Variants in MCF2L2 observed in about 807,000 individuals in gnomAD.
The protein encoded by MCF2L2 is MCF.2 cell line derived transforming sequence-like 2, also known as probable guanine nucleotide exchange factor MCF2L2.
MCF2L2 carries 102 observed loss-of-function variants against 150.2 expected under a neutral mutation model. The ratio of observed to expected loss-of-function variants is 0.68; its 90% confidence interval spans 0.58 to 0.80. The LOEUF (loss-of-function observed/expected upper bound fraction) is 0.80. MCF2L2 is among the 30% of genes least tolerant of loss of function. MCF2L2 has a pLI of 0.00. For synonymous variants in MCF2L2, 465 were observed against 491.3 expected, an observed-to-expected ratio of 0.95 and a Z score of 0.71; for missense variants, 1,256 against 1,372.8, an observed-to-expected ratio of 0.91 and a Z score of 1.34.
intron 15 of MCF2L2, among the ~76,000 whole-genome samples, chr3:183,240,527 T>G (rs574969501): frequency 6.6e-6 from 1 of 152,228 alleles, no homozygotes; most frequent in South Asian, 2.1e-4. Flanking sequence ...CCCCCAAAGC[T>G]CCATTTTTAT....
At chr3:183,360,910 A>C (rs546030781) in intron 3 of MCF2L2, among the ~76,000 whole-genome samples, 1 of 151,158 alleles carries the variant, frequency 6.6e-6, no homozygotes, top group South Asian at 2.1e-4. Context: ...CAGAGGTTGC[A>C]GTGAGCTGAG....
intron 13 of MCF2L2, among the ~76,000 whole-genome samples, chr3:183,290,541 C>CT (rs1409979114): frequency 0.018 from 2,566 of 146,004 alleles, 89 homozygotes; most frequent in African/African-American, 0.062. Flanking sequence ...TTCTTTCTTT[C>CT]TTTTTTTTTT....
At chr3:183,419,684 C>T (rs1715778542) in intron 1 of MCF2L2, among the ~76,000 whole-genome samples, 1 of 152,080 alleles carries the variant, frequency 6.6e-6, no homozygotes, top group Non-Finnish European at 1.5e-5. Context: ...ACCAGCCTGG[C>T]CAACATGGTG....
At chr3:183,363,007 AAAG>A (rs1384772897) in intron 3 of MCF2L2, among the ~76,000 whole-genome samples, 2 of 152,236 alleles carry the variant, frequency 1.3e-5, no homozygotes, top group Admixed American at 6.5e-5. Flanking sequence ...GCACCTTACT[AAAG>A]AAGATTTACA....
chr3:183,218,927 A>G (rs561599770), intron 21 of MCF2L2, among the ~76,000 whole-genome samples: 1 of 152,338 alleles, frequency 6.6e-6, no homozygotes, highest in African/African-American at 2.4e-5. Context: ...TGTTTTCAAC[A>G]GGTCCTTGTC....
At chr3:183,304,428 C>G (rs187046415) in intron 10 of MCF2L2, among the ~76,000 whole-genome samples, 1 of 150,354 alleles carries the variant, frequency 6.7e-6, no homozygotes, top group East Asian at 2.0e-4. Flanking sequence ...ACCACCCCTA[C>G]AAGATGACTG....
chr3:183,255,209 GGAT>G (rs1724930786), intron 15 of MCF2L2, among the ~76,000 whole-genome samples: 1 of 152,186 alleles, frequency 6.6e-6, no homozygotes. Flanking sequence ...ACCCAGAAAA[GGAT>G]GATTGAAGGT....
intron 1 of MCF2L2, among the ~76,000 whole-genome samples, chr3:183,413,617 C>A (rs1002482168): frequency 2.0e-5 from 3 of 152,348 alleles, no homozygotes; most frequent in East Asian, 3.9e-4. Context: ...AAGACGCCTG[C>A]ACCCCCAACT....
At chr3:183,228,114 C>A in intron 18 of MCF2L2, 183 bp downstream of exon 18, 1 of 533,910 alleles carries the variant, frequency 1.9e-6, no homozygotes, top group Non-Finnish European at 3.4e-6. Flanking sequence ...TATATCAAAC[C>A]ATCATGTTGT....
intron 27 of MCF2L2, among the ~76,000 whole-genome samples, chr3:183,186,735 T>G (rs1721708247): frequency 6.6e-6 from 1 of 152,110 alleles, no homozygotes; most frequent in Non-Finnish European, 1.5e-5. Flanking sequence ...CTCAAAAGTT[T>G]TTGTGGAGAT....
chr3:183,317,633 C>A (rs749876666), intron 7 of MCF2L2, among the ~76,000 whole-genome samples: 1 of 152,160 alleles, frequency 6.6e-6, no homozygotes. Context: ...CAAAACTTTA[C>A]AACCACTGCT....
intron 4 of MCF2L2, among the ~76,000 whole-genome samples, chr3:183,339,267 C>T (rs1730609895): frequency 6.6e-6 from 1 of 152,152 alleles, no homozygotes; most frequent in South Asian, 2.1e-4. Context: ...ATATTTCCAT[C>T]TGTTCACTTA....
chr3:183,259,073 G>C (rs1725347537), intron 15 of MCF2L2, among the ~76,000 whole-genome samples: 1 of 152,106 alleles, frequency 6.6e-6, no homozygotes, highest in African/African-American at 2.4e-5. Flanking sequence ...TGAATCTGAG[G>C]ATGCGGAACC....
intron 21 of MCF2L2, among the ~76,000 whole-genome samples, chr3:183,219,140 A>G (rs1016188297): frequency 6.6e-6 from 1 of 151,854 alleles, no homozygotes; most frequent in Non-Finnish European, 1.5e-5. Flanking sequence ...ACACACACGC[A>G]CACACACACA....
chr3:183,302,443 C>A (rs1242301625), intron 10 of MCF2L2, among the ~76,000 whole-genome samples: 4 of 152,000 alleles, frequency 2.6e-5, no homozygotes, highest in Non-Finnish European at 4.4e-5. Flanking sequence ...GGAAGGAGGC[C>A]AGTGTGGCTG....
intron 3 of MCF2L2, chr3:183,374,485 T>A (rs1713073835): frequency 1.3e-5 from 2 of 152,084 alleles, no homozygotes; most frequent in Non-Finnish European, 2.9e-5. Flanking sequence ...CTGGCCAACA[T>A]GGTGAAACTC....
intron 1 of MCF2L2, among the ~76,000 whole-genome samples, chr3:183,424,007 A>G (rs1347688158): frequency 6.6e-6 from 1 of 152,138 alleles, no homozygotes; most frequent in Non-Finnish European, 1.5e-5. Context: ...AAAATCCTAG[A>G]GCAATCTGAG....
chr3:183,270,407 G>A lies in MCF2L2; in HGVS notation c.1862+6465C>T. On this transcript the variant is annotated intron_variant, in intron 15 of 29. Coordinates refer to ENST00000328913, the MANE Select transcript of MCF2L2 (RefSeq NM_015078.4). The surrounding 1 kb of genome is among the most constrained non-coding windows in gnomAD (Gnocchi z 4.5). ...ACATATTTATTCACATGCCAAATCT[G>A]ATTGAGTACCTTCAAAGTTTAGAAC... The A allele has an allele frequency of 1.2e-6, 2 of 1,614,138 alleles. No individual in the cohort carries two copies. Among genetic ancestry groups the A allele is most frequent in the Non-Finnish European group, 1.7e-6 (2 of 1,179,998 alleles).
chr3:183,274,191 G>A (rs1727020465), intron 15 of MCF2L2, among the ~76,000 whole-genome samples: 1 of 151,064 alleles, frequency 6.6e-6, no homozygotes, highest in Non-Finnish European at 1.5e-5. Flanking sequence ...CTCCAACCTG[G>A]ACGACAGAGC....
Sources: allele counts gnomAD v4.1 joint callset (sites outside exome capture counted in the v4.1 genomes callset), GRCh38; gene constraint gnomAD v4.1.1; non-coding constraint Gnocchi (gnomAD v3.1); transcripts MANE v1.5; gene names NCBI Gene and HGNC (gene_info 2026-07-23, HGNC 2026-07-21).